NRXN3: variants seen among roughly 807,000 people sequenced by gnomAD.
NRXN3 encodes neurexin 3, also known as neurexin III.
In NRXN3, 32 loss-of-function variants were observed where a neutral mutation model predicts 137.6. The observed-to-expected ratio is 0.23, with a 90% confidence interval of 0.18 to 0.31. The LOEUF (loss-of-function observed/expected upper bound fraction) is 0.31, where lower values mean the gene tolerates loss of function less well. NRXN3 is among the 10% of genes least tolerant of loss of function. The pLI is 1.00. For synonymous variants in NRXN3, 798 were observed against 784.5 expected, an observed-to-expected ratio of 1.02 and a Z score of -0.29; for missense variants, 1,574 against 2,062.5, an observed-to-expected ratio of 0.76 and a Z score of 4.59.
intron 15 of NRXN3, among the ~76,000 whole-genome samples, chr14:79,319,362 C>T (rs890726521): frequency 7.9e-5 from 12 of 152,326 alleles, no homozygotes; most frequent in African/African-American, 2.6e-4. Flanking sequence ...CTACACCCCC[C>T]TGAGCATCTA....
intron 19 of NRXN3, among the ~76,000 whole-genome samples, chr14:79,757,537 C>T (rs766032000): frequency 2.0e-5 from 3 of 152,132 alleles, no homozygotes; most frequent in Non-Finnish European, 4.4e-5. Flanking sequence ...TCTTTTTCTC[C>T]TCCTGTTTTA....
chr14:78,523,816 CAAAAAAAA>C (rs56083130), intron 4 of NRXN3, among the ~76,000 whole-genome samples: 6 of 61,604 alleles, frequency 9.7e-5, no homozygotes, highest in East Asian at 9.3e-4. Context: ...GACTCTGTCT[CAAAAAAAA>C]AAAAAAAAAA....
At chr14:79,548,747 T>TAAAAAA (rs35900297) in intron 16 of NRXN3, among the ~76,000 whole-genome samples, 1 of 141,896 alleles carries the variant, frequency 7.0e-6, no homozygotes. Flanking sequence ...ATTTAAAGAT[T>TAAAAAA]AAAAAAAAAA....
At chr14:78,233,790 A>C (rs1465590642) in intron 1 of NRXN3, among the ~76,000 whole-genome samples, 1 of 151,994 alleles carries the variant, frequency 6.6e-6, no homozygotes, top group Non-Finnish European at 1.5e-5. Flanking sequence ...ACCTCCAAAA[A>C]TTTCTCCTAT....
At chr14:78,984,420 A>G (rs1316520933) in intron 14 of NRXN3, among the ~76,000 whole-genome samples, 4 of 152,226 alleles carry the variant, frequency 2.6e-5, no homozygotes, top group Non-Finnish European at 5.9e-5. Context: ...ATAGGAAGAC[A>G]TGATGAAGAG....
chr14:78,958,971 A>G (rs1470455265), intron 11 of NRXN3, among the ~76,000 whole-genome samples: 1 of 152,228 alleles, frequency 6.6e-6, no homozygotes, highest in Non-Finnish European at 1.5e-5. Flanking sequence ...AGATAGATAT[A>G]CTAAACCTCT....
intron 6 of NRXN3, among the ~76,000 whole-genome samples, chr14:78,678,654 A>G (rs1354569092): frequency 2.6e-5 from 4 of 152,132 alleles, no homozygotes. Flanking sequence ...AGTTTTTGGT[A>G]TTGCCAATAA....
At chr14:79,294,895 A>C (rs2083792790) in intron 15 of NRXN3, among the ~76,000 whole-genome samples, 1 of 151,986 alleles carries the variant, frequency 6.6e-6, no homozygotes, top group South Asian at 2.1e-4. Flanking sequence ...TTCCATCTCT[A>C]TTGCATTTTC....
At chr14:79,292,428 C>A (rs2083357308) in intron 15 of NRXN3, among the ~76,000 whole-genome samples, 1 of 152,130 alleles carries the variant, frequency 6.6e-6, no homozygotes, top group Non-Finnish European at 1.5e-5. Flanking sequence ...GGCTTTCTCC[C>A]CAACTTATGA....
intron 19 of NRXN3, among the ~76,000 whole-genome samples, chr14:79,773,960 G>T (rs1396726482): frequency 6.6e-6 from 1 of 151,830 alleles, no homozygotes; most frequent in Non-Finnish European, 1.5e-5. Context: ...AAGTATAAAT[G>T]AATAAACTAA....
chr14:78,885,500 A>G (rs1249601101), intron 10 of NRXN3, among the ~76,000 whole-genome samples: 2 of 152,120 alleles, frequency 1.3e-5, no homozygotes, highest in Non-Finnish European at 2.9e-5. Context: ...TTCTCCCATT[A>G]AAATAATTAT....
At chr14:79,604,699 T>A (rs1297128345) in intron 16 of NRXN3, among the ~76,000 whole-genome samples, 2 of 152,184 alleles carry the variant, frequency 1.3e-5, no homozygotes, top group Non-Finnish European at 1.5e-5. Flanking sequence ...TGTTGTTATA[T>A]CTCAGAGCAG....
chr14:79,725,757 A>C (rs1048133388), intron 19 of NRXN3, among the ~76,000 whole-genome samples: 2 of 152,154 alleles, frequency 1.3e-5, no homozygotes, highest in Non-Finnish European at 2.9e-5. Context: ...ATGAATAAAC[A>C]ACACTAGCTT....
chr14:79,311,018 C>A (rs2087168411), intron 15 of NRXN3, among the ~76,000 whole-genome samples: 4 of 128,374 alleles, frequency 3.1e-5, no homozygotes, highest in African/African-American at 1.4e-4. Context: ...TACCAGTTTT[C>A]AAAGGGAATG....
intron 16 of NRXN3, among the ~76,000 whole-genome samples, chr14:79,490,564 A>G (rs1167200764): frequency 6.6e-6 from 1 of 152,158 alleles, no homozygotes; most frequent in Non-Finnish European, 1.5e-5. Context: ...TAAGCCAAGC[A>G]CAGAGAGACA....
At chr14:79,380,350 C>A (rs1189362772) in intron 15 of NRXN3, among the ~76,000 whole-genome samples, 2 of 151,048 alleles carry the variant, frequency 1.3e-5, no homozygotes, top group African/African-American at 4.9e-5. Flanking sequence ...CTCCCCCTTC[C>A]CCCCACCCCA....
At chr14:78,219,065 C>T (rs1004170063) in intron 1 of NRXN3, among the ~76,000 whole-genome samples, 3 of 152,138 alleles carry the variant, frequency 2.0e-5, no homozygotes, top group African/African-American at 4.8e-5. Flanking sequence ...TTAGGGCCCA[C>T]CCTAAGGACC....
chr14:78,694,281 A>G (rs749278237), intron 6 of NRXN3, among the ~76,000 whole-genome samples: 3 of 151,968 alleles, frequency 2.0e-5, no homozygotes, highest in Non-Finnish European at 4.4e-5. Context: ...CACTCAATAA[A>G]TATATGAGTG....
intron 15 of NRXN3, among the ~76,000 whole-genome samples, chr14:79,154,428 C>T (rs2060070294): frequency 6.6e-6 from 1 of 151,906 alleles, no homozygotes; most frequent in South Asian, 2.1e-4. Flanking sequence ...AAATCTTCCC[C>T]CACAAACATG....
Sources: allele counts gnomAD v4.1 joint callset (sites outside exome capture counted in the v4.1 genomes callset), GRCh38; gene constraint gnomAD v4.1.1; transcripts MANE v1.5; gene names NCBI Gene and HGNC (gene_info 2026-07-23, HGNC 2026-07-21).